ABCB7: variants seen among roughly 807,000 people sequenced by gnomAD.
ABCB7 encodes iron-sulfur clusters transporter ABCB7, mitochondrial.
ABCB7 carries 7 observed loss-of-function variants against 54.4 expected under a neutral mutation model. The observed-to-expected ratio is 0.13, with a 90% confidence interval of 0.07 to 0.24. The LOEUF (loss-of-function observed/expected upper bound fraction) is 0.24, where lower values mean the gene tolerates loss of function less well. Ranked by LOEUF, ABCB7 falls within the 10% of genes least tolerant of loss-of-function variation. The probability of loss-of-function intolerance (pLI) is 1.00; values close to 1 mark genes in which losing one functional copy is unlikely to be tolerated. For missense variants in ABCB7, 356 were observed against 570.4 expected (o/e 0.62, Z 3.83); for synonymous variants, 218 against 207.1 (o/e 1.05, Z -0.45).
At chrX:75,056,083 G>A (rs1030364190) in intron 15 of ABCB7, among the ~76,000 whole-genome samples, 7 of 111,286 alleles carry the variant, frequency 6.3e-5, no homozygotes, top group African/African-American at 2.3e-4. Flanking sequence ...ACTGATATTA[G>A]GTTTGATCAA....
intron 4 of ABCB7, among the ~76,000 whole-genome samples, chrX:75,080,858 T>G (rs1443209432): frequency 9.0e-6 from 1 of 111,409 alleles, no homozygotes; most frequent in African/African-American, 3.3e-5. Flanking sequence ...GTTTTAAGAG[T>G]TCTTTATATA....
At chrX:75,120,237 T>A (rs989706637) in intron 1 of ABCB7, among the ~76,000 whole-genome samples, 1 of 112,625 alleles carries the variant, frequency 8.9e-6, no homozygotes, top group African/African-American at 3.2e-5. Flanking sequence ...TCTCTCTACC[T>A]GATTTTTCCA....
rs2081194011 is a variant in ABCB7, at chrX:75,051,114, G to A, written c.*2256C>T. On this transcript the variant is annotated 3_prime_UTR_variant, in exon 16 of 16. Transcript: ENST00000373394. ...CCCCCAGAAGAGCAGTAACAACTAT[G>A]GTTTCAGAGTAAGAAATGTTGAAAA... 9.3e-6 allele frequency among the ~76,000 whole-genome samples: 1 copy of A among 106,990 alleles called. No homozygotes were observed. Among genetic ancestry groups the A allele is most frequent in the Non-Finnish European group, 1.9e-5 (1 of 52,129 alleles). The allele number at this position is 106,990 out of a possible 115,157, so 92.9% of individuals were successfully genotyped here.
Position 75,075,546 on chromosome X carries a change from C to A in ABCB7, c.671G>T (p.Arg224Ile). 1 of 1,210,908 alleles carries A rather than the reference C, an allele frequency of 8.3e-7. No homozygotes were observed. The highest frequency in any genetic ancestry group is 1.1e-6 in the Non-Finnish European group (1 of 894,911). ...FGKVAQNSIR[R>I]IAKNVFLHLH... ...ATGGAGAAAGACATTTTTGGCTATT[C>A]TTCGGATTGAATTCTGGGCTACCTT... The change falls in exon 6 of 16, where the codon AGA becomes ATA. Residue 224 changes from arginine to isoleucine, a missense_variant. Around this residue, in one of 2 missense-constraint regions of ABCB7, gnomAD observed 241 missense variants for 470.9 expected, o/e 0.51. Coordinates refer to ENST00000373394, the MANE Select transcript of ABCB7 (RefSeq NM_001271696.3).
At chrX:75,054,574 CTTG>C (rs889007885) in intron 15 of ABCB7, among the ~76,000 whole-genome samples, 3 of 108,608 alleles carry the variant, frequency 2.8e-5, no homozygotes, top group African/African-American at 6.7e-5. Flanking sequence ...TAGTAACTTC[CTTG>C]TTTTTTTTTT....
At chrX:75,072,551 G>C (rs1481385143) in intron 8 of ABCB7, among the ~76,000 whole-genome samples, 2 of 111,450 alleles carry the variant, frequency 1.8e-5, no homozygotes, top group African/African-American at 6.5e-5. Flanking sequence ...AAAAGGTACA[G>C]TAAAAATATA....
intron 14 of ABCB7, among the ~76,000 whole-genome samples, chrX:75,060,988 A>G (rs2147450095): frequency 8.9e-6 from 1 of 112,023 alleles, no homozygotes; most frequent in African/African-American, 3.2e-5. Context: ...CTAGATGGAA[A>G]TAGCAGTGTG....
intron 4 of ABCB7, among the ~76,000 whole-genome samples, chrX:75,095,233 G>C (rs924557587): frequency 4.5e-5 from 5 of 111,421 alleles, no homozygotes; most frequent in African/African-American, 1.6e-4. Context: ...CAGATGGCAG[G>C]GTGGCATTTA....
chrX:75,098,178 G>A (rs191732394), intron 4 of ABCB7, among the ~76,000 whole-genome samples: 17 of 109,851 alleles, frequency 1.5e-4, no homozygotes, highest in African/African-American at 3.3e-4. Flanking sequence ...GCATGGTGGC[G>A]CACGCCTATA....
chrX:75,104,047 GTTTTTTTTTTTTT>G (rs757074347), intron 3 of ABCB7, among the ~76,000 whole-genome samples: 33 of 13,437 alleles, frequency 2.5e-3, no homozygotes, highest in East Asian at 7.2e-3. Flanking sequence ...TCTTGTTACA[GTTTTTTTTTTTTT>G]TTTTTTTTTT....
At chrX:75,058,950 G>A (rs1460891928) in intron 15 of ABCB7, among the ~76,000 whole-genome samples, 1 of 111,107 alleles carries the variant, frequency 9.0e-6, no homozygotes, top group Admixed American at 9.6e-5. Context: ...AAGACATTCT[G>A]GTACAACCAT....
chrX:75,149,290 T>C, intron 1 of ABCB7, among the ~76,000 whole-genome samples: 1 of 112,181 alleles, frequency 8.9e-6, no homozygotes, highest in Non-Finnish European at 1.9e-5. Flanking sequence ...TGTTATCCTG[T>C]AAGTCACTTT....
intron 13 of ABCB7, among the ~76,000 whole-genome samples, 153 bp downstream of exon 13, chrX:75,064,917 T>C (rs1054148602): frequency 9.0e-6 from 1 of 111,039 alleles, no homozygotes; most frequent in Non-Finnish European, 1.9e-5. Flanking sequence ...GAATTGGTTA[T>C]AGTGAGGGCT....
intron 1 of ABCB7, among the ~76,000 whole-genome samples, chrX:75,149,974 G>A (rs2082119674): frequency 9.0e-6 from 1 of 111,599 alleles, no homozygotes; most frequent in African/African-American, 3.3e-5. Context: ...TTACAATATG[G>A]CTAGCAATCT....
chrX:75,155,559 A>C (rs918347132), intron 1 of ABCB7, among the ~76,000 whole-genome samples: 1 of 111,683 alleles, frequency 9.0e-6, no homozygotes, highest in Non-Finnish European at 1.9e-5. Context: ...TCATATTTAT[A>C]CAAGAATTTA....
intron 6 of ABCB7, among the ~76,000 whole-genome samples, chrX:75,074,698 A>C (rs1342340512): frequency 8.9e-6 from 1 of 111,765 alleles, no homozygotes; most frequent in Non-Finnish European, 1.9e-5. Context: ...AGCAACATGG[A>C]TGCATCTGGA....
At chrX:75,091,819 C>A (rs1270550007) in intron 4 of ABCB7, among the ~76,000 whole-genome samples, 4 of 111,302 alleles carry the variant, frequency 3.6e-5, no homozygotes, top group Non-Finnish European at 7.6e-5. Flanking sequence ...AAATACAACA[C>A]CATTTAAATT....
At chrX:75,109,910 T>C (rs2081743150) in intron 3 of ABCB7, among the ~76,000 whole-genome samples, 1 of 112,016 alleles carries the variant, frequency 8.9e-6, no homozygotes, top group Non-Finnish European at 1.9e-5. Flanking sequence ...GGTCAAAAAC[T>C]AGCGAGTTCA....
Position 75,112,732 on chromosome X carries a change from A to C in ABCB7, c.333+154T>G, listed in dbSNP as rs183220550. 1.7e-3 allele frequency among the ~76,000 whole-genome samples: 145 copies of C among 83,820 alleles called. 1 individual carries two copies. The highest frequency in any genetic ancestry group is 3.1e-3 in the Non-Finnish European group (125 of 40,683). The allele number at this position is 83,820 out of a possible 115,157, so 72.8% of individuals were successfully genotyped here. A position where few individuals can be genotyped will look rare whatever the true frequency, so the allele number is the denominator to read the frequency against. ...AAGTCCGAGAAAATATCATCTATAA[A>C]CTATGGTCAATTAATATGTTTTTTT... On this transcript the variant is annotated intron_variant, in intron 3 of 15. Coordinates refer to ENST00000373394, the MANE Select transcript of ABCB7 (RefSeq NM_001271696.3).
Sources: allele counts gnomAD v4.1 joint callset (sites outside exome capture counted in the v4.1 genomes callset), GRCh38; gene constraint gnomAD v4.1.1; regional missense constraint gnomAD v4.1.1; transcripts MANE v1.5; gene names NCBI Gene and HGNC (gene_info 2026-07-23, HGNC 2026-07-21).